Variants in PCDHA1 observed in about 807,000 individuals in gnomAD.
The protein encoded by PCDHA1 is protocadherin alpha 1.
PCDHA1 carries 42 observed loss-of-function variants against 61.3 expected under a neutral mutation model. The ratio of observed to expected loss-of-function variants is 0.69; its 90% CI spans 0.54 to 0.89. The LOEUF is 0.89. PCDHA1 is among the 40% of genes least tolerant of loss of function. PCDHA1 has a pLI of 0.00. For missense variants in PCDHA1, 1,256 were observed against 1,235.3 expected (o/e 1.02, Z -0.25); for synonymous variants, 610 against 553.8 (o/e 1.10, Z -1.43).
intron 1 of PCDHA1, chr5:140,929,402 A>G: frequency 7.3e-6 from 11 of 1,507,926 alleles, no homozygotes; most frequent in Non-Finnish European, 9.7e-6. Context: ...TTTCTTAGAC[A>G]AGCCTTTCAC....
At chr5:140,794,970 G>A (rs782082810) in intron 1 of PCDHA1, 3 of 1,607,774 alleles carry the variant, frequency 1.9e-6, no homozygotes, top group Admixed American at 3.4e-5. Context: ...TGGTAATGGC[G>A]TCTTCTATCA....
At chr5:140,831,720 G>C (rs1771679681) in intron 1 of PCDHA1, among the ~76,000 whole-genome samples, 1 of 151,962 alleles carries the variant, frequency 6.6e-6, no homozygotes, top group Non-Finnish European at 1.5e-5. Context: ...GTGAGTTTTG[G>C]TGTTATCCTC....
Position 140,849,759 on chromosome 5 carries a change from G to A in PCDHA1, c.2394+61075G>A, listed in dbSNP as rs140660802. On this transcript the variant is annotated intron_variant, in intron 1 of 3. Coordinates refer to ENST00000504120, the MANE Select transcript of PCDHA1 (RefSeq NM_018900.4). Reference sequence around the variant, plus strand: ...GGACCGCGAGAGTGTGTCCGCCTACGAGCTGGTGGTTACCGCGCGGGACGG... The same window carrying A: ...GGACCGCGAGAGTGTGTCCGCCTACAAGCTGGTGGTTACCGCGCGGGACGG... The A allele has an allele frequency of 1.8e-5, 29 of 1,598,444 alleles. 5 individuals are homozygous for A. The Admixed American group carries it at 3.9e-4, about 21-fold the overall frequency.
chr5:140,799,515 G>A (rs2149938087), intron 1 of PCDHA1, among the ~76,000 whole-genome samples: 1 of 151,944 alleles, frequency 6.6e-6, no homozygotes, highest in South Asian at 2.1e-4. Context: ...ATGCTTAAAT[G>A]TTTACTTACT....
intron 1 of PCDHA1, chr5:140,809,568 C>T: frequency 1.2e-6 from 2 of 1,605,148 alleles, no homozygotes; most frequent in Non-Finnish European, 1.7e-6. Context: ...GAATCCTTTG[C>T]AAAGGTTAGT....
intron 3 of PCDHA1, chr5:140,988,965 TG>T (rs1227130828): frequency 6.6e-6 from 1 of 152,162 alleles, no homozygotes; most frequent in Non-Finnish European, 1.5e-5. Context: ...AGCCCCACGA[TG>T]GAGAGAAGCA....
intron 1 of PCDHA1, chr5:140,810,412 C>G (rs546354293): frequency 6.6e-6 from 1 of 152,182 alleles, no homozygotes; most frequent in Admixed American, 6.5e-5. Flanking sequence ...TAACACCAAC[C>G]AATTTTCCAA....
At chr5:140,948,727 T>C (rs2094298087) in intron 1 of PCDHA1, among the ~76,000 whole-genome samples, 2 of 151,670 alleles carry the variant, frequency 1.3e-5, no homozygotes, top group Admixed American at 1.3e-4. Flanking sequence ...TATCAATAAG[T>C]CTAGCTGAGA....
At position 140,857,660 on chromosome 5, in the gene PCDHA1, G is replaced by A. The variant is rs368920437; in HGVS notation, c.2394+68976G>A. 9 of 1,596,734 alleles carry A rather than the reference G, an allele frequency of 5.6e-6. 1 individual carries two copies. Among genetic ancestry groups the A allele is most frequent in the Non-Finnish European group, 7.7e-6 (9 of 1,167,798 alleles). On this transcript the variant is annotated intron_variant, in intron 1 of 3. Coordinates refer to ENST00000504120, the MANE Select transcript of PCDHA1 (RefSeq NM_018900.4). ...GCTACAGTTCCAGGTGAGCGCGCGC[G>A]ATGGGGGCGTGCCGCCTCTGGGCAG...
In PCDHA1 at chr5:140,810,968, A is replaced by G. The variant is rs537328519; in HGVS notation, c.2394+22284A>G. ...CATTTGGAATATACATATTTTTATC[A>G]TTGTTGTGAGGTAGGGGTCAAGATT... On this transcript the variant is annotated intron_variant, in intron 1 of 3. Coordinates refer to ENST00000504120, the MANE Select transcript of PCDHA1 (RefSeq NM_018900.4). 3.9e-5 allele frequency: 6 copies of G among 152,058 alleles called. No individual in the cohort carries two copies. The South Asian group carries it at 1.3e-3, about 32-fold the overall frequency. The allele number at this position is 152,058 out of a possible 1,614,324, so 9.4% of individuals were successfully genotyped here.
chr5:140,836,005 G>A (rs1554135535), intron 1 of PCDHA1: 5 of 1,613,362 alleles, frequency 3.1e-6, no homozygotes, highest in Admixed American at 1.7e-5. Context: ...CGCGATGCGG[G>A]CGTGCCGCCT....
intron 3 of PCDHA1, among the ~76,000 whole-genome samples, chr5:140,997,328 G>A (rs76646758): frequency 0.013 from 1,948 of 152,070 alleles, 47 homozygotes; most frequent in African/African-American, 0.045. Flanking sequence ...CAGTTTTTTC[G>A]TTGTACAAAT....
At chr5:140,876,745 G>T (rs782242909) in intron 1 of PCDHA1, 2 of 1,614,264 alleles carry the variant, frequency 1.2e-6, no homozygotes, top group South Asian at 2.2e-5. Flanking sequence ...TGAGCTGGTG[G>T]TGACTGCGCG....
chr5:140,794,935 C>T (rs1554119196), intron 1 of PCDHA1: 1 of 1,582,214 alleles, frequency 6.3e-7, no homozygotes. Context: ...ACATGCTCTT[C>T]TAATTTGATC....
At chr5:140,801,479 A>G (rs781793623) in intron 1 of PCDHA1, 33 of 1,613,962 alleles carry the variant, frequency 2.0e-5, no homozygotes, top group South Asian at 1.5e-4. Flanking sequence ...ACCGCGAGGA[A>G]CTGTGCGGGC....
chr5:140,869,102 C>G, intron 1 of PCDHA1: 1 of 1,598,758 alleles, frequency 6.3e-7, no homozygotes, highest in Non-Finnish European at 8.5e-7. Context: ...ATTTCGTATG[C>G]GATGTTTGGT....
rs141467715 is a variant in PCDHA1 at position 140,882,439 on chromosome 5, G to A, written c.2394+93755G>A. 19 of 1,613,928 alleles carry A rather than the reference G, an allele frequency of 1.2e-5. No individual in the cohort carries two copies. The African/African-American group carries it at 1.5e-4, about 12-fold the overall frequency. ...CTCAGGACCTGGGGCTGGAGCTGGC[G>A]GAGCTGGTGCCGCGCCTGTTCCGGG... is the stretch of plus-strand genomic sequence containing the variant. On this transcript the variant is annotated intron_variant, in intron 1 of 3. Transcript: ENST00000504120.
At position 140,857,332 on chromosome 5, in the gene PCDHA1, C is replaced by G. The variant is rs782461373; in HGVS notation, c.2394+68648C>G. The G allele has an allele frequency of 1.9e-6, 3 of 1,598,330 alleles. 1 individual carries two copies. The highest frequency in any genetic ancestry group is 2.6e-6 in the Non-Finnish European group (3 of 1,167,876). On this transcript the variant is annotated intron_variant, in intron 1 of 3. Transcript: ENST00000504120. Reference sequence around the variant, plus strand: ...ATGAGCTGGTGGTGACCGCGCGGGACGGGGGCTCGCCTCCGCTGTGGGCCA... The same window carrying G: ...ATGAGCTGGTGGTGACCGCGCGGGAGGGGGGCTCGCCTCCGCTGTGGGCCA...
At chr5:140,956,147 C>T (rs150480657) in intron 1 of PCDHA1, among the ~76,000 whole-genome samples, 5,358 of 152,186 alleles carry the variant, frequency 0.035, 121 homozygotes, top group Non-Finnish European at 0.052. Context: ...ATTTCTTTCT[C>T]TTTCCTAATT....
Sources: gnomAD v4.1 joint callset for allele counts (sites outside exome capture counted in the v4.1 genomes callset) on GRCh38, gnomAD v4.1.1 for gene constraint, MANE v1.5 for transcripts, NCBI Gene and HGNC (gene_info 2026-07-23, HGNC 2026-07-21) for gene names.